ANKRD12: variants seen among roughly 807,000 people sequenced by gnomAD.
ANKRD12 encodes the protein ankyrin repeat domain 12.
Under a neutral mutation model 183.4 loss-of-function variants are expected in ANKRD12, and 85 were observed. That is an observed-to-expected ratio of 0.46 (90% CI 0.39 to 0.56). The LOEUF is 0.56. Ranked by LOEUF, ANKRD12 falls within the 20% of genes least tolerant of loss-of-function variation. The pLI is 0.00. For missense variants in ANKRD12, 2,405 were observed against 2,357.1 expected (o/e 1.02, Z -0.42); for synonymous variants, 914 against 800.2 (o/e 1.14, Z -2.40).
intron 6 of ANKRD12, 80 bp from the exon 7 acceptor site, chr18:9,216,678 C>T: frequency 7.2e-7 from 1 of 1,382,700 alleles, no homozygotes; most frequent in Admixed American, 2.4e-5. Flanking sequence ...ATTTATATGT[C>T]ACACATTGGT....
chr18:9,178,459 T>C (rs970317636), intron 1 of ANKRD12, among the ~76,000 whole-genome samples: 1 of 152,278 alleles, frequency 6.6e-6, no homozygotes, highest in South Asian at 2.1e-4. Context: ...TGGATGTATA[T>C]GTGTAGATCT....
intron 8 of ANKRD12, among the ~76,000 whole-genome samples, chr18:9,247,236 T>C (rs2038013740): frequency 1.3e-5 from 2 of 151,670 alleles, no homozygotes; most frequent in South Asian, 2.1e-4. Flanking sequence ...CCCAACACTT[T>C]AGTAGGCAGA....
chr18:9,179,796 G>A (rs1199744946), intron 1 of ANKRD12, among the ~76,000 whole-genome samples: 2 of 152,228 alleles, frequency 1.3e-5, no homozygotes, highest in Admixed American at 1.3e-4. Context: ...GGGATTACAG[G>A]TGTGAGCTCC....
rs1341508627 is a variant in ANKRD12 at position 9,255,092 on chromosome 18, C to G, written c.1825C>G (p.Gln609Glu). ...TAAGCATAAGGAAAAAAGCAAACAT[C>G]AGAAAGATTTCCACTTAGAATTTGG... Reference protein sequence around the residue: ...SCKHKEKSKHQKDFHLEFGEK... With the variant: ...SCKHKEKSKHEKDFHLEFGEK... Residue 609 changes from glutamine to glutamate, a missense_variant, in exon 9 of 13, where the codon CAG becomes GAG. Gln to Glu is a conservative substitution (Grantham distance 29). Coordinates refer to ENST00000262126, the MANE Select transcript of ANKRD12 (RefSeq NM_015208.5). 17 of 1,575,422 alleles carry G rather than the reference C, an allele frequency of 1.1e-5. No homozygotes were observed. Among genetic ancestry groups the G allele is most frequent in the Non-Finnish European group, 1.3e-5 (15 of 1,167,060 alleles).
At chr18:9,162,897 T>G (rs2031617552) in intron 1 of ANKRD12, among the ~76,000 whole-genome samples, 1 of 152,262 alleles carries the variant, frequency 6.6e-6, no homozygotes, top group Non-Finnish European at 1.5e-5. Flanking sequence ...GGGTTGGTTG[T>G]TTTTTTCTTA....
intron 8 of ANKRD12, among the ~76,000 whole-genome samples, chr18:9,229,168 CTG>C (rs1424337035): frequency 6.6e-6 from 1 of 152,052 alleles, no homozygotes; most frequent in African/African-American, 2.4e-5. Flanking sequence ...TCATTGGTCT[CTG>C]TGTCTGTTTT....
chr18:9,187,256 CA>C (rs945818885), intron 2 of ANKRD12, among the ~76,000 whole-genome samples: 70 of 142,360 alleles, frequency 4.9e-4, no homozygotes, highest in Admixed American at 7.0e-4. Context: ...CCGTCTCTAC[CA>C]AAAAAAAAAA....
Position 9,257,366 on chromosome 18 carries a change from T to C in ANKRD12, c.4099T>C (p.Ser1367Pro). 1.9e-6 allele frequency: 3 copies of C among 1,614,132 alleles called. No individual in the cohort carries two copies. Among genetic ancestry groups the C allele is most frequent in the Non-Finnish European group, 1.7e-6 (2 of 1,180,006 alleles). Reference sequence around the variant, plus strand: ...CCTTTCAAATGTATCTAACATACATTCCAGTTTTGCAACTTCTCCAACTGG... The same window carrying C: ...CCTTTCAAATGTATCTAACATACATCCCAGTTTTGCAACTTCTCCAACTGG... ...RDLSNVSNIHSSFATSPTGAS... is the reference protein window; with the variant it reads ...RDLSNVSNIHPSFATSPTGAS... Residue 1367 changes from serine to proline, a missense_variant, in exon 9 of 13, where the codon TCC becomes CCC. Ser to Pro is a moderately conservative substitution (Grantham distance 74, BLOSUM62 -1). Coordinates refer to ENST00000262126, the MANE Select transcript of ANKRD12 (RefSeq NM_015208.5).
At chr18:9,234,700 G>A (rs551291410) in intron 8 of ANKRD12, among the ~76,000 whole-genome samples, 5 of 152,228 alleles carry the variant, frequency 3.3e-5, no homozygotes, top group African/African-American at 1.2e-4. Context: ...TCGTGGTGGT[G>A]CCCAGTTCCA....
intron 1 of ANKRD12, among the ~76,000 whole-genome samples, chr18:9,155,079 A>G (rs1319824210): frequency 1.3e-5 from 2 of 152,338 alleles, no homozygotes; most frequent in South Asian, 2.1e-4. Flanking sequence ...GACCTAGCCT[A>G]AAATGCTGAG....
At chr18:9,253,329 C>T (rs1481410878) in intron 8 of ANKRD12, among the ~76,000 whole-genome samples, 1 of 152,176 alleles carries the variant, frequency 6.6e-6, no homozygotes, top group African/African-American at 2.4e-5. Flanking sequence ...CCCATTAACT[C>T]TCATCTCCCC....
intron 1 of ANKRD12, among the ~76,000 whole-genome samples, chr18:9,138,552 ACATATGCTCAAGTAGGCCGTT>A: frequency 6.6e-6 from 1 of 152,210 alleles, no homozygotes; most frequent in East Asian, 1.9e-4. Context: ...AAACAAAAAA[ACATATGCTCAAGTAGGCCGTT>A]AAAAATCTTG....
At chr18:9,280,464 T>C (rs2040059015) in intron 12 of ANKRD12, among the ~76,000 whole-genome samples, 1 of 152,134 alleles carries the variant, frequency 6.6e-6, no homozygotes, top group East Asian at 1.9e-4. Flanking sequence ...CACAAATAGT[T>C]GGTATGTGTG....
In ANKRD12 at chr18:9,280,985, T is replaced by C. The variant is rs370876432; in HGVS notation, c.6048T>C (p.Asn2016=). The part of the protein sequence containing the change: ...MRQQHEAAAL[N]AVQRLEWQLK... ...AACAACATGAAGCTGCGGCTTTAAA[T>C]GCTGTCCAGAGGTTAGAATGGCAGC... Residue 2016 remains asparagine (N), a synonymous_variant, in exon 13 of 13, where the codon AAT becomes AAC. Coordinates refer to ENST00000262126, the MANE Select transcript of ANKRD12 (RefSeq NM_015208.5). 6.2e-7 allele frequency: 1 copy of C among 1,613,880 alleles called. No individual in the cohort carries two copies. Among genetic ancestry groups the C allele is most frequent in the Non-Finnish European group, 8.5e-7 (1 of 1,179,988 alleles).
rs115066809 is a variant in ANKRD12 at position 9,278,204 on chromosome 18, A to T, written c.5908-1345A>T. 2.4e-3 allele frequency among the ~76,000 whole-genome samples: 370 copies of T among 152,222 alleles called. 8 individuals carry two copies. Among genetic ancestry groups the T allele is most frequent in the African/African-American group, 8.4e-3 (348 of 41,518 alleles). ...TTATTTAAATATGGAACTGTTATCC[A>T]CCCTTTTACAGCTGGCTTTAGAGTA... On this transcript the variant is annotated intron_variant, in intron 11 of 12. Transcript: ENST00000262126.
chr18:9,158,411 A>G (rs557910532), intron 1 of ANKRD12, among the ~76,000 whole-genome samples: 1 of 152,258 alleles, frequency 6.6e-6, no homozygotes, highest in South Asian at 2.1e-4. Context: ...TTGGCATGAC[A>G]GTTTCTGAGA....
chr18:9,246,211 C>G (rs961295294), intron 8 of ANKRD12, among the ~76,000 whole-genome samples: 1 of 152,132 alleles, frequency 6.6e-6, no homozygotes, highest in Non-Finnish European at 1.5e-5. Flanking sequence ...GCAAATGCAA[C>G]AAAGTTGATA....
intron 1 of ANKRD12, among the ~76,000 whole-genome samples, chr18:9,165,274 G>C (rs2031912457): frequency 6.6e-6 from 1 of 151,916 alleles, no homozygotes; most frequent in African/African-American, 2.4e-5. Context: ...CCTTTATTTT[G>C]AGCCTATGTG....
chr18:9,231,632 C>G (rs2037054446), intron 8 of ANKRD12, among the ~76,000 whole-genome samples: 1 of 151,766 alleles, frequency 6.6e-6, no homozygotes, highest in Admixed American at 6.6e-5. Context: ...TCAAAACCAT[C>G]CTTGCTAACA....
Sources: allele counts gnomAD v4.1 joint callset (sites outside exome capture counted in the v4.1 genomes callset), GRCh38; gene constraint gnomAD v4.1.1; transcripts MANE v1.5; gene names NCBI Gene and HGNC (gene_info 2026-07-23, HGNC 2026-07-21).